Variants in ADAMTSL1 observed in about 807,000 individuals in gnomAD.
ADAMTSL1 encodes ADAMTS like 1.
In ADAMTSL1, 126 loss-of-function variants were observed where a neutral mutation model predicts 201.8. That is an observed-to-expected ratio of 0.62 (90% CI 0.54 to 0.72). The LOEUF is 0.72. Among genes scored for constraint, ADAMTSL1 ranks in the 30% least tolerant of loss-of-function variants. The pLI, the probability that ADAMTSL1 is intolerant of heterozygous loss-of-function variation, is 0.00. For synonymous variants in ADAMTSL1, 1,121 were observed against 903.4 expected (o/e 1.24, Z -4.32); for missense variants, 2,679 against 2,277.8 (o/e 1.18, Z -3.59).
At chr9:18,646,504 C>T (rs2132865693) in intron 7 of ADAMTSL1, among the ~76,000 whole-genome samples, 1 of 150,430 alleles carries the variant, frequency 6.6e-6, no homozygotes, top group Admixed American at 6.7e-5. Flanking sequence ...TTTGCCCATT[C>T]AGTATGATAT....
chr9:18,172,507 T>C (rs2132130583), intron 2 of ADAMTSL1, among the ~76,000 whole-genome samples: 1 of 152,250 alleles, frequency 6.6e-6, no homozygotes, highest in East Asian at 1.9e-4. Flanking sequence ...AGTAAGGTTA[T>C]GAGAAGCACT....
intron 2 of ADAMTSL1, among the ~76,000 whole-genome samples, chr9:18,219,161 C>G (rs926380839): frequency 1.3e-5 from 2 of 151,676 alleles, no homozygotes; most frequent in Non-Finnish European, 2.9e-5. Flanking sequence ...TATTATTACT[C>G]TTTTCAAACT....
At chr9:18,668,738 A>C (rs1051554378) in intron 9 of ADAMTSL1, among the ~76,000 whole-genome samples, 1 of 152,240 alleles carries the variant, frequency 6.6e-6, no homozygotes, top group Non-Finnish European at 1.5e-5. Flanking sequence ...ATCAGCTATC[A>C]TGATTGAATT....
chr9:18,149,458 T>C (rs930930606), intron 1 of ADAMTSL1, among the ~76,000 whole-genome samples: 1 of 151,972 alleles, frequency 6.6e-6, no homozygotes, highest in African/African-American at 2.4e-5. Context: ...GTTTACAATC[T>C]AGATAATTGT....
At chr9:18,087,811 G>A (rs1823832145) in intron 1 of ADAMTSL1, among the ~76,000 whole-genome samples, 1 of 152,052 alleles carries the variant, frequency 6.6e-6, no homozygotes, top group African/African-American at 2.4e-5. Context: ...AAGGTTCTTG[G>A]TCTTTTGCAA....
chr9:18,189,867 A>G (rs1446018803), intron 2 of ADAMTSL1, among the ~76,000 whole-genome samples: 2 of 152,128 alleles, frequency 1.3e-5, no homozygotes, highest in East Asian at 1.9e-4. Context: ...AGGTTTTTGT[A>G]CTCTAGCATG....
At position 18,465,270 on chromosome 9, in the gene ADAMTSL1, G is replaced by A. The variant is rs142253605; in HGVS notation, c.208-39559G>A. 1.9e-3 allele frequency among the ~76,000 whole-genome samples: 292 copies of A among 152,274 alleles called. 1 individual carries two copies. The highest frequency in any genetic ancestry group is 6.5e-3 in the African/African-American group (270 of 41,558). On this transcript the variant is annotated intron_variant, in intron 2 of 29. Coordinates refer to the ADAMTSL1 transcript ENST00000680146. ...GCCAGAAGGATATATAGCTTGGCCCGTTCCGTTAATAGTTTTGCTTAGTCC... is the reference window on the plus strand; with the variant it reads ...GCCAGAAGGATATATAGCTTGGCCCATTCCGTTAATAGTTTTGCTTAGTCC...
At chr9:18,769,433 G>A (rs1483049255) in intron 16 of ADAMTSL1, among the ~76,000 whole-genome samples, 1 of 152,182 alleles carries the variant, frequency 6.6e-6, no homozygotes, top group Non-Finnish European at 1.5e-5. Flanking sequence ...GAGTAGTCGT[G>A]GGTTGAACTC....
At chr9:18,216,549 G>C (rs1477885069) in intron 2 of ADAMTSL1, among the ~76,000 whole-genome samples, 2 of 151,982 alleles carry the variant, frequency 1.3e-5, no homozygotes, top group African/African-American at 2.4e-5. Context: ...AGCTCCCTCT[G>C]ACAGGTAAGG....
At chr9:18,475,770 T>C (rs1294407099) in intron 1 of ADAMTSL1, among the ~76,000 whole-genome samples, 1 of 152,168 alleles carries the variant, frequency 6.6e-6, no homozygotes, top group Non-Finnish European at 1.5e-5. Context: ...AAGTGTGTGT[T>C]ATTTTCCCAT....
intron 3 of ADAMTSL1, among the ~76,000 whole-genome samples, chr9:18,561,723 T>C (rs1208724290): frequency 6.6e-6 from 1 of 152,232 alleles, no homozygotes; most frequent in Non-Finnish European, 1.5e-5. Flanking sequence ...TGGGTGCATA[T>C]ATATTTAGGA....
At chr9:17,985,473 A>G (rs185849656) in intron 1 of ADAMTSL1, among the ~76,000 whole-genome samples, 6 of 152,302 alleles carry the variant, frequency 3.9e-5, no homozygotes, top group Admixed American at 2.6e-4. Flanking sequence ...ATCTTGAAAA[A>G]TACTTTATAG....
chr9:18,128,663 A>G (rs1204327860), intron 1 of ADAMTSL1, among the ~76,000 whole-genome samples: 1 of 152,204 alleles, frequency 6.6e-6, no homozygotes, highest in African/African-American at 2.4e-5. Flanking sequence ...CTAATGAAAT[A>G]GAGAATCACT....
intron 20 of ADAMTSL1, among the ~76,000 whole-genome samples, chr9:18,816,708 T>G (rs1823869890): frequency 7.0e-6 from 1 of 143,448 alleles, no homozygotes; most frequent in Non-Finnish European, 1.5e-5. Flanking sequence ...TTCAAACTCT[T>G]CAACCCTTGG....
chr9:18,491,042 A>G, intron 1 of ADAMTSL1, among the ~76,000 whole-genome samples: 1 of 152,196 alleles, frequency 6.6e-6, no homozygotes, highest in East Asian at 1.9e-4. Context: ...CTTGGTTTTA[A>G]TAAAAAGAAG....
In ADAMTSL1 at chr9:18,588,469, C is replaced by G. The variant is rs77585153; in HGVS notation, c.474+14203C>G. 2.0e-5 allele frequency among the ~76,000 whole-genome samples: 3 copies of G among 151,994 alleles called. No homozygotes were observed. The East Asian group carries it at 5.8e-4, about 29-fold the overall frequency. Reference sequence around the variant, plus strand: ...GCAGAAGTTTTTAGCTTAATGTAATCTATGTGTCTGTTTTTGCTTTTGTTT... The same window carrying G: ...GCAGAAGTTTTTAGCTTAATGTAATGTATGTGTCTGTTTTTGCTTTTGTTT... On this transcript the variant is annotated intron_variant, in intron 4 of 28. Coordinates refer to ENST00000380548, the MANE Select transcript of ADAMTSL1 (RefSeq NM_001040272.6).
At chr9:17,934,353 A>G (rs1158627021) in intron 1 of ADAMTSL1, among the ~76,000 whole-genome samples, 1 of 152,154 alleles carries the variant, frequency 6.6e-6, no homozygotes, top group Non-Finnish European at 1.5e-5. Flanking sequence ...TACAAGCCAT[A>G]TTACTTCCAC....
At chr9:18,255,661 T>C (rs1344702357) in intron 2 of ADAMTSL1, among the ~76,000 whole-genome samples, 2 of 152,240 alleles carry the variant, frequency 1.3e-5, no homozygotes, top group Non-Finnish European at 2.9e-5. Flanking sequence ...AATATCTATG[T>C]TTGCAAATCC....
intron 1 of ADAMTSL1, among the ~76,000 whole-genome samples, chr9:18,095,757 C>A (rs948738505): frequency 6.6e-6 from 1 of 152,068 alleles, no homozygotes; most frequent in Non-Finnish European, 1.5e-5. Context: ...GGGCTGACAA[C>A]GTATTTCAGT....
Sources: allele counts gnomAD v4.1 joint callset (sites outside exome capture counted in the v4.1 genomes callset), GRCh38; gene constraint gnomAD v4.1.1; transcripts MANE v1.5; gene names NCBI Gene and HGNC (gene_info 2026-07-23, HGNC 2026-07-21).